The following HDGFL2 variants were observed in gnomAD, a reference collection of about 807,000 sequenced individuals.
The protein encoded by HDGFL2 is hepatoma-derived growth factor-related protein 2.
In HDGFL2, 36 loss-of-function variants were observed where a neutral mutation model predicts 77.1. The observed-to-expected ratio is 0.47, with a 90% confidence interval of 0.36 to 0.62. HDGFL2 has a LOEUF of 0.62. Among genes scored for constraint, HDGFL2 ranks in the 20% least tolerant of loss-of-function variants. The pLI, the probability that HDGFL2 is intolerant of heterozygous loss-of-function variation, is 0.00. For synonymous variants in HDGFL2, 463 were observed against 413.1 expected, an observed-to-expected ratio of 1.12 and a Z score of -1.46; for missense variants, 976 against 973.4, an observed-to-expected ratio of 1.00 and a Z score of -0.04.
In HDGFL2 at chr19:4,482,803, C is replaced by T. The variant is rs1975253427; in HGVS notation, c.289-5873C>T. ...TGCAGAATCAGGCTGGTCATGCCCA[C>T]CGGTTACATGGGGCATTGATAAGTC... On this transcript the variant is annotated intron_variant, in intron 3 of 15. Transcript: ENST00000616600. Among the ~76,000 whole-genome samples, 8 of 152,200 alleles carry T rather than the reference C, an allele frequency of 5.3e-5. No individual in the cohort carries two copies. The South Asian group carries it at 1.7e-3, about 32-fold the overall frequency.
Position 4,499,479 on chromosome 19 carries a change from C to T in HDGFL2, c.1576-12C>T, listed in dbSNP as rs1409919092. The T allele has an allele frequency of 5.6e-6, 9 of 1,610,848 alleles. No individual in the cohort carries two copies. In the South Asian group the frequency reaches 9.9e-5, roughly 18 times the overall value. ...CACTTGGGTGAGCCAGGCCTCTTCT[C>T]TTGGTGGCCAGATTCGCCGTTACAA... On this transcript the variant is annotated splice_polypyrimidine_tract_variant and intron_variant, in intron 13 of 15. Transcript: ENST00000616600.
chr19:4,484,906 C>T (rs1041604135), intron 3 of HDGFL2, among the ~76,000 whole-genome samples: 2 of 151,876 alleles, frequency 1.3e-5, no homozygotes, highest in African/African-American at 4.8e-5. Context: ...CTCCTGACCT[C>T]GTGATCTGCC....
intron 1 of HDGFL2, 139 bp downstream of exon 1, chr19:4,472,561 T>C: frequency 2.9e-6 from 1 of 345,086 alleles, no homozygotes; most frequent in Non-Finnish European, 4.8e-6. Flanking sequence ...GTTCATGGGG[T>C]CTGGGGGTGT....
chr19:4,500,318 G>A (rs940775314), intron 14 of HDGFL2, among the ~76,000 whole-genome samples: 5 of 152,090 alleles, frequency 3.3e-5, no homozygotes, highest in Non-Finnish European at 5.9e-5. Context: ...ATGGGGTCTC[G>A]CTCTGTCCCC....
At chr19:4,491,872 G>A (rs778564132) in intron 6 of HDGFL2, 37 bp downstream of exon 6, 23 of 1,565,958 alleles carry the variant, frequency 1.5e-5, no homozygotes, top group South Asian at 3.3e-5. Flanking sequence ...ATGCCCACTC[G>A]TGGGGCACCT....
chr19:4,502,186 A>G lies in HDGFL2; in HGVS notation c.*176A>G, dbSNP rs978154002. 1.5e-5 allele frequency: 10 copies of G among 678,402 alleles called. No individual in the cohort carries two copies. In the African/African-American group the frequency reaches 1.6e-4, roughly 11 times the overall value. 42.0% of individuals were successfully genotyped at this position (678,402 alleles called of 1,614,324 possible). ...TTTCCAACCAACATGAAATGACTATAAATGGTTTTTTAATGAAAAAAGAAA... is the reference window on the plus strand; with the variant it reads ...TTTCCAACCAACATGAAATGACTATGAATGGTTTTTTAATGAAAAAAGAAA... On this transcript the variant is annotated 3_prime_UTR_variant, in exon 16 of 16. Coordinates refer to ENST00000616600, the MANE Select transcript of HDGFL2 (RefSeq NM_001001520.3).
chr19:4,491,277 A>ACCCCCCCAC (rs1568211789), intron 4 of HDGFL2, among the ~76,000 whole-genome samples: 15 of 14,048 alleles, frequency 1.1e-3, no homozygotes, highest in East Asian at 2.1e-3. Context: ...CCACCCCCCC[A>ACCCCCCCAC]CCCCCCCCGG....
intron 3 of HDGFL2, among the ~76,000 whole-genome samples, chr19:4,486,623 A>G (rs1338837817): frequency 6.6e-6 from 1 of 151,936 alleles, no homozygotes; most frequent in Non-Finnish European, 1.5e-5. Flanking sequence ...GTGGATCACG[A>G]GGTCAAGAGA....
chr19:4,478,781 A>C (rs1384674586), intron 3 of HDGFL2, among the ~76,000 whole-genome samples: 2 of 150,784 alleles, frequency 1.3e-5, no homozygotes, highest in Non-Finnish European at 3.0e-5. Flanking sequence ...TCCTGGGTTT[A>C]AGTGATTCTT....
intron 15 of HDGFL2, chr19:4,501,557 G>A (rs1272121273): frequency 1.4e-5 from 7 of 498,344 alleles, no homozygotes; most frequent in Non-Finnish European, 2.1e-5. Context: ...TCCTGGGAAG[G>A]TGGCTTCTTG....
At chr19:4,483,535 C>A (rs1014059155) in intron 3 of HDGFL2, among the ~76,000 whole-genome samples, 3 of 152,162 alleles carry the variant, frequency 2.0e-5, no homozygotes, top group Non-Finnish European at 4.4e-5. Context: ...CCTGCAGCAT[C>A]CGCCCAGCCC....
intron 10 of HDGFL2, 77 bp from the exon 11 acceptor site, chr19:4,497,881 C>A: frequency 7.6e-7 from 1 of 1,318,918 alleles, no homozygotes; most frequent in Non-Finnish European, 1.1e-6. Context: ...GGGTTTGGGT[C>A]CACCCCTTCA....
chr19:4,491,716 C>G (rs767802560), intron 5 of HDGFL2, 34 bp downstream of exon 5: 1 of 1,611,872 alleles, frequency 6.2e-7, no homozygotes, highest in Non-Finnish European at 8.5e-7. Context: ...GGCAGGGAAG[C>G]GTGGTGGCTG....
rs545477526 is a variant in HDGFL2, at chr19:4,481,253, C to T, written c.288+5670C>T. Among the ~76,000 whole-genome samples the T allele has an allele frequency of 7.4e-3, 1,018 of 137,356 alleles. 11 individuals are homozygous for T. The highest frequency in any genetic ancestry group is 9.8e-3 in the African/African-American group (353 of 36,184). 90.1% of individuals were successfully genotyped at this position (137,356 alleles called of 152,430 possible). ...TCGCCCAGGCTGGAGTGCAGTGGCG[C>T]GATCTTGGCTCACTGCAACCTCCAC... On this transcript the variant is annotated intron_variant, in intron 3 of 15. Transcript: ENST00000616600.
At position 4,501,942 on chromosome 19, in the gene HDGFL2, C is replaced by T. The variant is rs868097317; in HGVS notation, c.1948C>T (p.Pro650Ser). 5 of 1,498,058 alleles carry T rather than the reference C, an allele frequency of 3.3e-6. No homozygotes were observed. In the Admixed American group the frequency reaches 7.9e-5, roughly 24 times the overall value. The allele number at this position is 1,498,058 out of a possible 1,614,324, so 92.8% of individuals were successfully genotyped here. A position where few individuals can be genotyped will look rare whatever the true frequency, so the allele number is the denominator to read the frequency against. ...ACGGGAGGGTCCCGACCTGGACAGG[C>T]CTGGGAGCGACCGGCAGGAGCGCGA... ...SVREGPDLDR[P>S]GSDRQERERA... Residue 650 changes from proline (P) to serine (S), a missense_variant, in exon 16 of 16, where the codon CCT becomes TCT. By Grantham distance (74) the Pro-to-Ser change is moderately conservative (BLOSUM62 -1). Transcript: ENST00000616600.
chr19:4,487,581 G>A (rs970313840), intron 3 of HDGFL2, among the ~76,000 whole-genome samples: 2 of 152,062 alleles, frequency 1.3e-5, no homozygotes, highest in African/African-American at 4.8e-5. Context: ...ACAACCATAC[G>A]CCCGTGTTTT....
chr19:4,491,841 G>T lies in HDGFL2; in HGVS notation c.678+6G>T. Reference sequence around the variant, plus strand: ...TGGGGGGACGGAAAAAAAAGGTAGCGTGCACTTGACTTTGTTTCCCATGCC... The same window carrying T: ...TGGGGGGACGGAAAAAAAAGGTAGCTTGCACTTGACTTTGTTTCCCATGCC... On this transcript the variant is annotated splice_donor_region_variant and intron_variant, in intron 6 of 15. Coordinates refer to ENST00000616600, the MANE Select transcript of HDGFL2 (RefSeq NM_001001520.3). 1 of 1,612,936 alleles carries T rather than the reference G, an allele frequency of 6.2e-7. No homozygotes were observed. Among genetic ancestry groups the T allele is most frequent in the South Asian group, 1.1e-5 (1 of 91,066 alleles).
chr19:4,472,429 C>A lies in HDGFL2; in HGVS notation c.72+7C>A. The A allele has an allele frequency of 1.3e-6, 1 of 781,106 alleles. No homozygotes were observed. The highest frequency in any genetic ancestry group is 1.8e-6 in the Non-Finnish European group (1 of 564,706). 48.4% of individuals were successfully genotyped at this position (781,106 alleles called of 1,614,324 possible). A position where few individuals can be genotyped will look rare whatever the true frequency, so the allele number is the denominator to read the frequency against. Reference sequence around the variant, plus strand: ...CCCTCACTGGCCTGCCAGGGTGAGGCCGCGCGGGAGATGGGGCCGGTGGGG... The same window carrying A: ...CCCTCACTGGCCTGCCAGGGTGAGGACGCGCGGGAGATGGGGCCGGTGGGG... On this transcript the variant is annotated splice_region_variant and intron_variant, in intron 1 of 15. Transcript: ENST00000616600.
intron 3 of HDGFL2, among the ~76,000 whole-genome samples, chr19:4,482,201 G>A (rs1975238706): frequency 7.1e-6 from 1 of 141,252 alleles, no homozygotes; most frequent in Non-Finnish European, 1.5e-5. Flanking sequence ...CCCTGGCCTT[G>A]TTTTTTCTTT....
Sources: gnomAD v4.1 joint callset for allele counts (sites outside exome capture counted in the v4.1 genomes callset) on GRCh38, gnomAD v4.1.1 for gene constraint, MANE v1.5 for transcripts, NCBI Gene and HGNC (gene_info 2026-07-23, HGNC 2026-07-21) for gene names.